SMAD9: variants seen among roughly 807,000 people sequenced by gnomAD.
The protein encoded by SMAD9 is SMAD family member 9.
Under a neutral mutation model 46.1 loss-of-function variants are expected in SMAD9, and 36 were observed. That is an observed-to-expected ratio of 0.78 (90% CI 0.60 to 1.03). SMAD9 has a LOEUF of 1.03. Among genes scored for constraint, SMAD9 ranks in the 50% least tolerant of loss-of-function variants. SMAD9 has a pLI of 0.00. For synonymous variants in SMAD9, 245 were observed against 237.1 expected (o/e 1.03, Z -0.31); for missense variants, 572 against 599.8 (o/e 0.95, Z 0.48).
chr13:36,887,129 C>G lies in SMAD9; in HGVS notation c.-186-7254G>C, dbSNP rs984678846. 5.7e-5 allele frequency among the ~76,000 whole-genome samples: 8 copies of G among 139,194 alleles called. No individual in the cohort carries two copies. The East Asian group carries it at 1.7e-3, about 30-fold the overall frequency. 91.3% of individuals were successfully genotyped at this position (139,194 alleles called of 152,430 possible). A position where few individuals can be genotyped will look rare whatever the true frequency, so the allele number is the denominator to read the frequency against. ...AAGTGATCTTCCTGCCTCAGCCTCT[C>G]AAAGTGCTGGGATTATAGGCATGAG... On this transcript the variant is annotated intron_variant, in intron 1 of 6. Coordinates refer to ENST00000379826, the MANE Select transcript of SMAD9 (RefSeq NM_001127217.3).
intron 3 of SMAD9, among the ~76,000 whole-genome samples, chr13:36,867,803 G>A (rs187597734): frequency 8.6e-5 from 13 of 152,018 alleles, no homozygotes; most frequent in African/African-American, 3.1e-4. Context: ...ATGGCCACGG[G>A]GACGCTCTAT....
rs2058049288 is a variant in SMAD9, at chr13:36,848,353, A to G, written c.*323T>C. On this transcript the variant is annotated 3_prime_UTR_variant, in exon 7 of 7. Transcript: ENST00000379826. Reference sequence around the variant, plus strand: ...TCTGTGAGGCCACACAACATGCTTTATAATGACACGGCTGACTAAAGCTGT... The same window carrying G: ...TCTGTGAGGCCACACAACATGCTTTGTAATGACACGGCTGACTAAAGCTGT... The G allele has an allele frequency of 5.8e-6, 2 of 345,182 alleles. No homozygotes were observed. Among genetic ancestry groups the G allele is most frequent in the South Asian group, 5.9e-5 (2 of 33,920 alleles). 21.4% of individuals were successfully genotyped at this position (345,182 alleles called of 1,614,324 possible). A position where few individuals can be genotyped will look rare whatever the true frequency, so the allele number is the denominator to read the frequency against.
intron 4 of SMAD9, 97 bp downstream of exon 4, chr13:36,867,176 G>A: frequency 1.2e-6 from 1 of 818,824 alleles, no homozygotes; most frequent in South Asian, 1.5e-5. Flanking sequence ...CAGCAGGCCA[G>A]TACATTTCTG....
chr13:36,859,732 G>A (rs12877772), intron 5 of SMAD9, among the ~76,000 whole-genome samples: 3,566 of 152,238 alleles, frequency 0.023, 118 homozygotes, highest in East Asian at 0.14. Flanking sequence ...AAGCCGAGGC[G>A]GGTGGATTGC....
chr13:36,893,680 A>T (rs1247753359), intron 1 of SMAD9, among the ~76,000 whole-genome samples: 1 of 151,816 alleles, frequency 6.6e-6, no homozygotes, highest in Non-Finnish European at 1.5e-5. Flanking sequence ...CTAGAAGATG[A>T]CATAGAGTAT....
intron 5 of SMAD9, among the ~76,000 whole-genome samples, chr13:36,854,796 A>G (rs538329057): frequency 7.2e-5 from 11 of 152,200 alleles, no homozygotes; most frequent in Non-Finnish European, 1.2e-4. Context: ...ATACTTATAA[A>G]TCTGTTTCTC....
At chr13:36,900,470 G>A (rs909129172) in intron 1 of SMAD9, among the ~76,000 whole-genome samples, 2 of 151,738 alleles carry the variant, frequency 1.3e-5, no homozygotes, top group African/African-American at 4.8e-5. Context: ...TAGTAGAGAT[G>A]GGGTTTCACC....
chr13:36,907,137 A>G (rs1018910536), intron 1 of SMAD9, among the ~76,000 whole-genome samples: 5 of 152,232 alleles, frequency 3.3e-5, no homozygotes, highest in African/African-American at 1.2e-4. Context: ...CCAGACACAG[A>G]AGGACAAATG....
intron 1 of SMAD9, among the ~76,000 whole-genome samples, chr13:36,918,338 A>T (rs911550010): frequency 6.6e-6 from 1 of 152,218 alleles, no homozygotes; most frequent in Non-Finnish European, 1.5e-5. Flanking sequence ...GTATGTTGGC[A>T]TTCTCTTAAG....
At chr13:36,914,537 A>C (rs1303301937) in intron 1 of SMAD9, among the ~76,000 whole-genome samples, 1 of 149,776 alleles carries the variant, frequency 6.7e-6, no homozygotes, top group Non-Finnish European at 1.5e-5. Context: ...AAAACAAAAC[A>C]AAAAAAAACT....
intron 6 of SMAD9, chr13:36,851,793 AAC>A (rs1223375173): frequency 3.1e-6 from 3 of 977,010 alleles, no homozygotes; most frequent in African/African-American, 3.5e-5. Context: ...CAGTATTAGG[AAC>A]AGTTTGTCTT....
At chr13:36,910,146 G>A (rs144269009) in intron 1 of SMAD9, among the ~76,000 whole-genome samples, 22 of 151,520 alleles carry the variant, frequency 1.5e-4, no homozygotes, top group African/African-American at 4.4e-4. Context: ...GCAGTGAGCC[G>A]AGATCGCGCC....
intron 1 of SMAD9, among the ~76,000 whole-genome samples, chr13:36,890,819 A>C: frequency 6.8e-6 from 1 of 146,162 alleles, no homozygotes; most frequent in Non-Finnish European, 1.5e-5. Flanking sequence ...CCCTCTCCAC[A>C]CCCCCATGAC....
chr13:36,899,673 T>C (rs2058557738), intron 1 of SMAD9, among the ~76,000 whole-genome samples: 1 of 152,052 alleles, frequency 6.6e-6, no homozygotes, highest in African/African-American at 2.4e-5. Context: ...ATTCAGTTGG[T>C]AGGTGGGTTC....
intron 5 of SMAD9, among the ~76,000 whole-genome samples, chr13:36,859,689 G>A (rs1419397376): frequency 6.6e-6 from 1 of 152,128 alleles, no homozygotes; most frequent in Non-Finnish European, 1.5e-5. Flanking sequence ...AGCCAGGCAC[G>A]GTGGCTCACG....
chr13:36,896,275 G>A (rs867051880), intron 1 of SMAD9, among the ~76,000 whole-genome samples: 6 of 151,948 alleles, frequency 3.9e-5, no homozygotes, highest in Admixed American at 6.6e-5. Flanking sequence ...TAGGACTATA[G>A]GCACATGCCA....
chr13:36,872,821 T>A lies in SMAD9; in HGVS notation c.507A>T (p.Pro169=), dbSNP rs573969977. ...KFRSASLHSE[P]LMPHNATYPD... ...GATAGGTGGCGTTGTGTGGCATGAG[T>A]GGCTCACTGTGCAGGGAGGCGCTGC... is the stretch of plus-strand genomic sequence containing the variant. The change falls in exon 3 of 7, where the codon CCA becomes CCT. Residue 169 remains proline, a synonymous_variant. Transcript: ENST00000379826. 1.4e-5 allele frequency: 22 copies of A among 1,613,886 alleles called. No homozygotes were observed. Among genetic ancestry groups the A allele is most frequent in the East Asian group, 1.3e-4 (6 of 44,842 alleles).
intron 1 of SMAD9, among the ~76,000 whole-genome samples, chr13:36,895,869 T>C (rs562761484): frequency 1.3e-4 from 20 of 152,156 alleles, no homozygotes; most frequent in Non-Finnish European, 2.6e-4. Flanking sequence ...TTGAAATAAA[T>C]AGTATTTTCC....
intron 5 of SMAD9, among the ~76,000 whole-genome samples, chr13:36,855,318 T>C (rs1309080908): frequency 1.3e-5 from 2 of 151,676 alleles, no homozygotes; most frequent in African/African-American, 4.8e-5. Flanking sequence ...TAATTTCCAT[T>C]CCAAATTAAA....
Sources: allele counts gnomAD v4.1 joint callset (sites outside exome capture counted in the v4.1 genomes callset), GRCh38; gene constraint gnomAD v4.1.1; transcripts MANE v1.5; gene names NCBI Gene and HGNC (gene_info 2026-07-23, HGNC 2026-07-21).